The following PIGK variants were observed in gnomAD, a reference collection of about 807,000 sequenced individuals.
PIGK encodes GPI-anchor transamidase.
In PIGK, 42 loss-of-function variants were observed where a neutral mutation model predicts 50.6. That is an observed-to-expected ratio of 0.83 (90% CI 0.65 to 1.07). PIGK has a LOEUF of 1.07. Among genes scored for constraint, PIGK ranks in the 50% least tolerant of loss-of-function variants. The pLI is 0.00. For missense variants in PIGK, 448 were observed against 488.7 expected (o/e 0.92, Z 0.78); for synonymous variants, 151 against 156.0 (o/e 0.97, Z 0.24).
chr1:77,128,802 A>C (rs1489862300), intron 9 of PIGK, among the ~76,000 whole-genome samples: 1 of 152,254 alleles, frequency 6.6e-6, no homozygotes, highest in African/African-American at 2.4e-5. Context: ...TTTCATTAAT[A>C]AATTATACAG....
At chr1:77,189,730 TATATATATATATATATATACACACACAC>T (rs1199222898) in intron 3 of PIGK, among the ~76,000 whole-genome samples, 25 of 35,584 alleles carry the variant, frequency 7.0e-4, no homozygotes, top group African/African-American at 2.8e-3. Flanking sequence ...TATATATATA[TATATATATATATATATATACACACACAC>T]ACACACACAC....
intron 9 of PIGK, among the ~76,000 whole-genome samples, chr1:77,143,078 C>A (rs1211782958): frequency 6.6e-6 from 1 of 152,084 alleles, no homozygotes; most frequent in African/African-American, 2.4e-5. Context: ...ATGTAAATGT[C>A]TTTTCCTTCT....
chr1:77,218,751 C>T (rs932981862), intron 1 of PIGK, among the ~76,000 whole-genome samples: 4 of 152,126 alleles, frequency 2.6e-5, no homozygotes, highest in African/African-American at 9.7e-5. Context: ...CCAGAACATC[C>T]TGTGTCCACG....
chr1:77,217,999 T>A (rs1260089816), intron 1 of PIGK, among the ~76,000 whole-genome samples: 2 of 152,208 alleles, frequency 1.3e-5, no homozygotes, highest in Non-Finnish European at 2.9e-5. Context: ...TCTCTAAAAA[T>A]TATGCTATAT....
intron 3 of PIGK, among the ~76,000 whole-genome samples, chr1:77,185,151 T>C (rs1040589825): frequency 3.9e-5 from 6 of 152,242 alleles, no homozygotes; most frequent in Non-Finnish European, 7.3e-5. Flanking sequence ...TTTTTCTCCA[T>C]GCCTGTCTAC....
At chr1:77,127,616 A>C (rs962385737) in intron 9 of PIGK, among the ~76,000 whole-genome samples, 2 of 152,202 alleles carry the variant, frequency 1.3e-5, no homozygotes, top group Non-Finnish European at 2.9e-5. Flanking sequence ...AAGCCAACAA[A>C]ACGAACAAGA....
At chr1:77,119,940 T>C (rs1406991165) in intron 10 of PIGK, among the ~76,000 whole-genome samples, 1 of 152,110 alleles carries the variant, frequency 6.6e-6, no homozygotes, top group Non-Finnish European at 1.5e-5. Flanking sequence ...CAAAGCAAGA[T>C]GCTAAAAGAA....
intron 9 of PIGK, among the ~76,000 whole-genome samples, chr1:77,129,820 TA>T (rs1201664933): frequency 6.6e-6 from 1 of 152,148 alleles, no homozygotes; most frequent in African/African-American, 2.4e-5. Flanking sequence ...TGCTGGGTCA[TA>T]AGTTATGTAC....
At chr1:77,175,524 G>GT (rs1436365312) in intron 3 of PIGK, among the ~76,000 whole-genome samples, 1 of 152,098 alleles carries the variant, frequency 6.6e-6, no homozygotes, top group African/African-American at 2.4e-5. Flanking sequence ...TGAAATAACA[G>GT]TTTTACATGC....
Position 77,089,505 on chromosome 1 carries a change from A to C in PIGK, c.*2869T>G, listed in dbSNP as rs1653252088. The C allele has an allele frequency of 6.5e-6, 1 of 152,674 alleles. No homozygotes were observed. Among genetic ancestry groups the C allele is most frequent in the Admixed American group, 6.5e-5 (1 of 15,292 alleles). The allele number at this position is 152,674 out of a possible 1,614,324, so 9.5% of individuals were successfully genotyped here. Reference sequence around the variant, plus strand: ...TAAAGATTCCAGAAACACAGGAGTCAAAATTTCAAATTATGATTCCCACAG... The same window carrying C: ...TAAAGATTCCAGAAACACAGGAGTCCAAATTTCAAATTATGATTCCCACAG... On this transcript the variant is annotated 3_prime_UTR_variant, in exon 11 of 11. Transcript: ENST00000370812.
Position 77,090,897 on chromosome 1 carries a change from T to C in PIGK, c.*1477A>G, listed in dbSNP as rs1054735931. The C allele has an allele frequency of 6.6e-6, 1 of 152,234 alleles. No homozygotes were observed. Among genetic ancestry groups the C allele is most frequent in the African/African-American group, 2.4e-5 (1 of 41,470 alleles). 9.4% of individuals were successfully genotyped at this position (152,234 alleles called of 1,614,324 possible). ...TGGCAAAAAGCCTCAATATCATTTG[T>C]TCTAACTAGGGAGATAACACAGTCA... On this transcript the variant is annotated 3_prime_UTR_variant, in exon 11 of 11. Transcript: ENST00000370812.
Position 77,169,301 on chromosome 1 carries a change from C to T in PIGK, c.334G>A (p.Val112Met). 6.3e-7 allele frequency: 1 copy of T among 1,595,286 alleles called. No homozygotes were observed. The highest frequency in any genetic ancestry group is 8.6e-7 in the Non-Finnish European group (1 of 1,167,466). Residue 112 changes from valine to methionine, a missense_variant, in exon 4 of 11, where the codon GTG (valine) becomes ATG (methionine). Physicochemically the swap from Val to Met is conservative, Grantham distance 21. Coordinates refer to ENST00000370812, the MANE Select transcript of PIGK (RefSeq NM_005482.3). ...TCCACTTCCACATCATCTCCATACA[C>T]ATTTAGTTCCATATTCTTGTGACTA... ...VFSHKNMELN[V>M]YGDDVEVDYR...
chr1:77,110,793 C>A (rs1339282349), intron 10 of PIGK, among the ~76,000 whole-genome samples: 2 of 152,032 alleles, frequency 1.3e-5, no homozygotes, highest in Non-Finnish European at 2.9e-5. Flanking sequence ...TTGTGCACAG[C>A]AAAAGAAACT....
chr1:77,165,293 G>A (rs962748032), intron 5 of PIGK, among the ~76,000 whole-genome samples: 1 of 151,988 alleles, frequency 6.6e-6, no homozygotes, highest in Non-Finnish European at 1.5e-5. Context: ...CATCTTGTTT[G>A]CCATAAAAGC....
intron 9 of PIGK, among the ~76,000 whole-genome samples, chr1:77,133,446 T>C (rs182951793): frequency 6.6e-6 from 1 of 152,330 alleles, no homozygotes; most frequent in East Asian, 1.9e-4. Context: ...AAAGTTTTTG[T>C]CTACTACCTC....
intron 9 of PIGK, among the ~76,000 whole-genome samples, chr1:77,149,408 A>G (rs371602949): frequency 6.6e-6 from 1 of 152,124 alleles, no homozygotes; most frequent in East Asian, 1.9e-4. Flanking sequence ...ATAGAAAAAG[A>G]TATTTTATGT....
At position 77,089,513 on chromosome 1, in the gene PIGK, A is replaced by C. The variant is rs550026931; in HGVS notation, c.*2861T>G. ...CCAGAAACACAGGAGTCAAAATTTCAAATTATGATTCCCACAGTAACTGTA... is the reference window on the plus strand; with the variant it reads ...CCAGAAACACAGGAGTCAAAATTTCCAATTATGATTCCCACAGTAACTGTA... On this transcript the variant is annotated 3_prime_UTR_variant, in exon 11 of 11. Transcript: ENST00000370812. 6.5e-6 allele frequency: 1 copy of C among 152,788 alleles called. No individual in the cohort carries two copies. Among genetic ancestry groups the C allele is most frequent in the East Asian group, 1.9e-4 (1 of 5,194 alleles). 9.5% of individuals were successfully genotyped at this position (152,788 alleles called of 1,614,324 possible).
intron 3 of PIGK, among the ~76,000 whole-genome samples, chr1:77,191,890 G>T (rs1197618697): frequency 6.6e-6 from 1 of 152,188 alleles, no homozygotes; most frequent in African/African-American, 2.4e-5. Flanking sequence ...GCCAGGCATG[G>T]TGATACCTGA....
chr1:77,185,700 G>T (rs976368423), intron 3 of PIGK, among the ~76,000 whole-genome samples: 10 of 152,312 alleles, frequency 6.6e-5, no homozygotes, highest in African/African-American at 2.4e-4. Flanking sequence ...AACAGGTCCA[G>T]GCTGCTGTGC....
Sources: allele counts gnomAD v4.1 joint callset (sites outside exome capture counted in the v4.1 genomes callset), GRCh38; gene constraint gnomAD v4.1.1; transcripts MANE v1.5; gene names NCBI Gene and HGNC (gene_info 2026-07-23, HGNC 2026-07-21).